B3GALNT2: variants seen among roughly 807,000 people sequenced by gnomAD.
The protein encoded by B3GALNT2 is beta-1,3-N-acetylgalactosaminyltransferase 2, also known as UDP-GalNAc:beta-1,3-N-acetylgalactosaminyltransferase 2.
Under a neutral mutation model 61.1 loss-of-function variants are expected in B3GALNT2, and 53 were observed. The observed-to-expected ratio is 0.87, with a 90% CI of 0.70 to 1.09. The LOEUF (loss-of-function observed/expected upper bound fraction) is 1.09. B3GALNT2 is among the 50% of genes least tolerant of loss of function. The pLI, the probability that B3GALNT2 is intolerant of heterozygous loss-of-function variation, is 0.00. For synonymous variants in B3GALNT2, 223 were observed against 237.4 expected (o/e 0.94, Z 0.56); for missense variants, 544 against 623.0 (o/e 0.87, Z 1.35).
chr1:235,489,166 AC>A lies in B3GALNT2; in HGVS notation c.361+1del. ...TGGCAGTCAAGGGAAAAGATGACTT[AC>A]CTGGATTTGTGATGTTGAGTAGTTT... On this transcript the variant is annotated splice_donor_variant, in intron 3 of 11. Coordinates refer to ENST00000366600, the MANE Select transcript of B3GALNT2 (RefSeq NM_152490.5). LOFTEE classifies it high-confidence loss of function. 2 of 1,613,540 alleles carry A rather than the reference AC, an allele frequency of 1.2e-6. No homozygotes were observed. The highest frequency in any genetic ancestry group is 1.7e-6 in the Non-Finnish European group (2 of 1,179,776).
In B3GALNT2 at chr1:235,463,239, GA is replaced by G. The variant is rs531121347; in HGVS notation, c.841+2396del. On this transcript the variant is annotated intron_variant, in intron 7 of 11. Coordinates refer to ENST00000366600, the MANE Select transcript of B3GALNT2 (RefSeq NM_152490.5). Reference sequence around the variant, plus strand: ...TGGGGACTTGGTGGGGACAGGGTGGGAGGGGGTAGGAATAAGACTACACACT... The same window carrying G: ...TGGGGACTTGGTGGGGACAGGGTGGGGGGGGTAGGAATAAGACTACACACT... Among the ~76,000 whole-genome samples, 560 of 152,158 alleles carry G rather than the reference GA, an allele frequency of 3.7e-3. 4 individuals are homozygous for G. Among genetic ancestry groups the G allele is most frequent in the African/African-American group, 0.013 (537 of 41,504 alleles).
the B3GALNT2 span, chr1:235,441,717 C>G: frequency 8.8e-7 from 1 of 1,137,778 alleles, no homozygotes; most frequent in Non-Finnish European, 1.3e-6. Flanking sequence ...GGCACAGGCT[C>G]TCTGGACGCT....
At chr1:235,503,744 G>A (rs1050683947) in intron 1 of B3GALNT2, among the ~76,000 whole-genome samples, 1 of 144,664 alleles carries the variant, frequency 6.9e-6, no homozygotes, top group African/African-American at 2.6e-5. Context: ...CAACAACTTG[G>A]GGGGGAAGAA....
chr1:235,443,328 G>A (rs1032694445), downstream of B3GALNT2, among the ~76,000 whole-genome samples: 9 of 151,974 alleles, frequency 5.9e-5, no homozygotes, highest in African/African-American at 1.9e-4. Context: ...CAGCCTCCAC[G>A]TAGCTGGGAC....
chr1:235,441,890 T>C, the B3GALNT2 span: 1 of 1,613,186 alleles, frequency 6.2e-7, no homozygotes, highest in African/African-American at 1.3e-5. Context: ...TAAGTAAGAA[T>C]CTCAGATTCA....
intron 6 of B3GALNT2, among the ~76,000 whole-genome samples, chr1:235,469,748 G>A (rs834144): frequency 0.45 from 67,665 of 150,558 alleles, 15,835 homozygotes; most frequent in Non-Finnish European, 0.5. Flanking sequence ...TTTTAGTAGA[G>A]ACGGGGTTTC....
intron 1 of B3GALNT2, among the ~76,000 whole-genome samples, chr1:235,499,405 A>T (rs1685486471): frequency 6.6e-6 from 1 of 152,098 alleles, no homozygotes; most frequent in Non-Finnish European, 1.5e-5. Flanking sequence ...AAATACATCA[A>T]ACTGCGCCAG....
chr1:235,477,282 G>A (rs540343445), intron 5 of B3GALNT2, among the ~76,000 whole-genome samples: 1 of 152,172 alleles, frequency 6.6e-6, no homozygotes, highest in African/African-American at 2.4e-5. Flanking sequence ...TGCCACATTT[G>A]CCTTTTTGCT....
rs924905306 is a variant in B3GALNT2 at position 235,504,258 on chromosome 1, G to T, written c.-6C>A. On this transcript the variant is annotated 5_prime_UTR_variant, in exon 1 of 12. Coordinates refer to ENST00000366600, the MANE Select transcript of B3GALNT2 (RefSeq NM_152490.5). ...AGCACCAGCCAGTTTCGCATTGGCC[G>T]CCCCCGCCGCGAGCCGGGCTCTCCC... 16 of 1,485,108 alleles carry T rather than the reference G, an allele frequency of 1.1e-5. No homozygotes were observed. The highest frequency in any genetic ancestry group is 1.5e-5 in the African/African-American group (1 of 68,228). The allele number at this position is 1,485,108 out of a possible 1,614,324, so 92.0% of individuals were successfully genotyped here.
In B3GALNT2 at chr1:235,447,982, G is replaced by A. The variant is rs1469221295; in HGVS notation, c.*2224C>T. Among the ~76,000 whole-genome samples, 2 of 152,046 alleles carry A rather than the reference G, an allele frequency of 1.3e-5. No homozygotes were observed. Among genetic ancestry groups the A allele is most frequent in the African/African-American group, 2.4e-5 (1 of 41,410 alleles). Reference sequence around the variant, plus strand: ...TCCCAGCACTTTGGGGGGCCAGGGCGGGCGGATCACGAGGTCAGGAGTTCA... The same window carrying A: ...TCCCAGCACTTTGGGGGGCCAGGGCAGGCGGATCACGAGGTCAGGAGTTCA... On this transcript the variant is annotated 3_prime_UTR_variant, in exon 12 of 12. Coordinates refer to ENST00000366600, the MANE Select transcript of B3GALNT2 (RefSeq NM_152490.5).
chr1:235,447,071 C>G (rs1388994698), downstream of B3GALNT2, among the ~76,000 whole-genome samples: 1 of 152,160 alleles, frequency 6.6e-6, no homozygotes, highest in African/African-American at 2.4e-5. Context: ...CCCCTTCTCT[C>G]ACCAGCCTTC....
chr1:235,482,092 A>G (rs1051701473), intron 4 of B3GALNT2, among the ~76,000 whole-genome samples: 4 of 152,350 alleles, frequency 2.6e-5, no homozygotes, highest in Non-Finnish European at 5.9e-5. Flanking sequence ...GCTGCCAGTA[A>G]TATCAGACCA....
intron 1 of B3GALNT2, among the ~76,000 whole-genome samples, chr1:235,501,925 A>T (rs1685598981): frequency 6.6e-6 from 1 of 152,188 alleles, no homozygotes; most frequent in African/African-American, 2.4e-5. Context: ...ATTATGGGAA[A>T]TTTTAGCATT....
chr1:235,469,831 G>A (rs556663507), intron 6 of B3GALNT2, among the ~76,000 whole-genome samples: 3 of 151,786 alleles, frequency 2.0e-5, no homozygotes, highest in East Asian at 1.9e-4. Flanking sequence ...CAAAGTGCTC[G>A]GATTACAGGC....
downstream of B3GALNT2, chr1:235,442,708 A>G: frequency 1.4e-6 from 1 of 726,062 alleles, no homozygotes; most frequent in Non-Finnish European, 2.4e-6. Context: ...TGGAAGGATT[A>G]ATAGAAAGAA....
chr1:235,444,993 T>G (rs775865135), downstream of B3GALNT2, among the ~76,000 whole-genome samples: 3 of 152,238 alleles, frequency 2.0e-5, no homozygotes, highest in Non-Finnish European at 4.4e-5. Flanking sequence ...TACACCTGAC[T>G]GGTATCCCAG....
In B3GALNT2 at chr1:235,494,682, G is replaced by C. The variant is rs747653180; in HGVS notation, c.259C>G (p.Arg87Gly). Residue 87 changes from arginine (R) to glycine (G), a missense_variant and splice_region_variant, in exon 2 of 12, where the codon CGT becomes GGT. Coordinates refer to ENST00000366600, the MANE Select transcript of B3GALNT2 (RefSeq NM_152490.5). ...AAGGCAACAACTCAGAAAACCTACC[G>C]TTGACTTAATGTGGGATGCTGTAGC... ...HLLQHPTLSQ[R>G]VLVKFIIGAH... The C allele has an allele frequency of 2.2e-5, 36 of 1,610,042 alleles. No homozygotes were observed. The South Asian group carries it at 4.0e-4, about 18-fold the overall frequency.
In B3GALNT2 at chr1:235,448,540, A is replaced by T; in HGVS notation, c.*1666T>A. On this transcript the variant is annotated 3_prime_UTR_variant, in exon 12 of 12. Transcript: ENST00000366600. Reference sequence around the variant, plus strand: ...AGCAACAGTTTGATTCTAAATGGAGACCATGGGTCTGTTTGTTTGATTTTA... The same window carrying T: ...AGCAACAGTTTGATTCTAAATGGAGTCCATGGGTCTGTTTGTTTGATTTTA... 7.1e-7 allele frequency: 1 copy of T among 1,402,778 alleles called. No individual in the cohort carries two copies. The highest frequency in any genetic ancestry group is 1.0e-6 in the Non-Finnish European group (1 of 988,076). The allele number at this position is 1,402,778 out of a possible 1,614,324, so 86.9% of individuals were successfully genotyped here.
chr1:235,448,008 A>C lies in B3GALNT2; in HGVS notation c.*2198T>G, dbSNP rs902948533. On this transcript the variant is annotated 3_prime_UTR_variant, in exon 12 of 12. Coordinates refer to ENST00000366600, the MANE Select transcript of B3GALNT2 (RefSeq NM_152490.5). ...GGCGGATCACGAGGTCAGGAGTTCAAGACCAGCCTGGCCAACATGGTGAAA... is the reference window on the plus strand; with the variant it reads ...GGCGGATCACGAGGTCAGGAGTTCACGACCAGCCTGGCCAACATGGTGAAA... Among the ~76,000 whole-genome samples the C allele has an allele frequency of 6.6e-6, 1 of 152,114 alleles. No individual in the cohort carries two copies. Among genetic ancestry groups the C allele is most frequent in the Non-Finnish European group, 1.5e-5 (1 of 68,020 alleles).
Sources: gnomAD v4.1 joint callset for allele counts (sites outside exome capture counted in the v4.1 genomes callset) on GRCh38, gnomAD v4.1.1 for gene constraint, MANE v1.5 for transcripts, NCBI Gene and HGNC (gene_info 2026-07-23, HGNC 2026-07-21) for gene names.